MIPEP: variants seen among roughly 807,000 people sequenced by gnomAD.
MIPEP encodes the protein mitochondrial intermediate peptidase.
In MIPEP, 79 loss-of-function variants were observed where a neutral mutation model predicts 90.3. The ratio of observed to expected loss-of-function variants is 0.87; its 90% CI spans 0.73 to 1.05. MIPEP has a LOEUF of 1.05. Ranked by LOEUF, MIPEP falls within the 50% of genes least tolerant of loss-of-function variation. The pLI, the probability that MIPEP is intolerant of heterozygous loss-of-function variation, is 0.00. For synonymous variants in MIPEP, 334 were observed against 315.8 expected (o/e 1.06, Z -0.61); for missense variants, 940 against 905.6 (o/e 1.04, Z -0.49).
intron 7 of MIPEP, among the ~76,000 whole-genome samples, chr13:23,867,408 A>T (rs1870590914): frequency 6.6e-6 from 1 of 152,146 alleles, no homozygotes; most frequent in South Asian, 2.1e-4. Context: ...CACATTCCAC[A>T]TTCTAAGTGA....
At chr13:23,843,929 C>A (rs1869419645) in intron 10 of MIPEP, among the ~76,000 whole-genome samples, 1 of 151,888 alleles carries the variant, frequency 6.6e-6, no homozygotes, top group African/African-American at 2.4e-5. Flanking sequence ...TCAGCCGGCA[C>A]AATGAACACA....
rs780318662 is a variant in MIPEP, at chr13:23,730,372, T to C, written c.2118A>G (p.Glu706=). Residue 706 remains glutamate, a synonymous_variant, in exon 19 of 19, where the codon GAA becomes GAG. Transcript: ENST00000382172. ...TTTATTCAGAATCCATGAGGAAAGTTTCGAAGTCCAGATCCAAGTCGGAAA... is the reference window on the plus strand; with the variant it reads ...TTTATTCAGAATCCATGAGGAAAGTCTCGAAGTCCAGATCCAAGTCGGAAA... The part of the protein sequence containing the change: ...ALVSDLDLDF[E]TFLMDSE The C allele has an allele frequency of 1.9e-6, 3 of 1,611,996 alleles. No individual in the cohort carries two copies.
rs191270050 is a variant in MIPEP at position 23,747,299 on chromosome 13, T to G, written c.2044+9246A>C. On this transcript the variant is annotated intron_variant, in intron 18 of 18. Transcript: ENST00000382172. ...CTTCCTGCATGCTGCTTAAACAGAG[T>G]ACTATCTGAAATCATTTAGGCGGGA... 3.6e-3 allele frequency among the ~76,000 whole-genome samples: 552 copies of G among 152,180 alleles called. 10 individuals carry two copies. The highest frequency in any genetic ancestry group is 4.3e-4 in the Non-Finnish European group (29 of 68,016).
chr13:23,884,226 G>T (rs369702802), intron 2 of MIPEP, among the ~76,000 whole-genome samples: 5 of 149,860 alleles, frequency 3.3e-5, no homozygotes, highest in African/African-American at 7.4e-5. Context: ...GGGGAGGGGG[G>T]GGTGTGACTA....
At chr13:23,759,753 G>A (rs1218636991) in intron 17 of MIPEP, among the ~76,000 whole-genome samples, 1 of 152,178 alleles carries the variant, frequency 6.6e-6, no homozygotes, top group African/African-American at 2.4e-5. Flanking sequence ...CCCGTATCAC[G>A]TGGTGAGGTC....
At chr13:23,785,431 C>A (rs1373277639) in intron 16 of MIPEP, among the ~76,000 whole-genome samples, 2 of 142,054 alleles carry the variant, frequency 1.4e-5, no homozygotes, top group Non-Finnish European at 3.0e-5. Context: ...CAGGTGGGAA[C>A]TGAACAATGA....
intron 14 of MIPEP, among the ~76,000 whole-genome samples, chr13:23,818,908 C>T (rs1003534095): frequency 5.9e-5 from 9 of 152,250 alleles, no homozygotes; most frequent in African/African-American, 1.7e-4. Flanking sequence ...TTCCATAATC[C>T]GTTAAGGTCT....
At chr13:23,857,489 G>C (rs1204397245) in intron 10 of MIPEP, among the ~76,000 whole-genome samples, 2 of 152,192 alleles carry the variant, frequency 1.3e-5, no homozygotes, top group African/African-American at 4.8e-5. Context: ...AGGGCTGCTG[G>C]AACCTAGGAG....
chr13:23,767,005 T>TGTCAGAG (rs1319860369), intron 16 of MIPEP, among the ~76,000 whole-genome samples: 1 of 152,204 alleles, frequency 6.6e-6, no homozygotes, highest in Non-Finnish European at 1.5e-5. Flanking sequence ...GAAAGCCCAC[T>TGTCAGAG]GTCAGAGGTC....
intron 2 of MIPEP, among the ~76,000 whole-genome samples, chr13:23,882,216 C>A (rs891470177): frequency 1.3e-5 from 2 of 152,022 alleles, no homozygotes; most frequent in African/African-American, 2.4e-5. Context: ...ACTACAGGTG[C>A]CCACCACCAC....
intron 17 of MIPEP, 133 bp downstream of exon 17, chr13:23,759,963 G>T: frequency 8.9e-7 from 1 of 1,128,830 alleles, no homozygotes; most frequent in East Asian, 2.4e-5. Context: ...GAGGCTGTGT[G>T]GGGAGCCTGC....
intron 4 of MIPEP, among the ~76,000 whole-genome samples, chr13:23,878,785 T>C (rs779788393): frequency 2.0e-5 from 3 of 152,334 alleles, no homozygotes; most frequent in Admixed American, 6.5e-5. Context: ...ATCCTCCCAG[T>C]AGATAAAATC....
intron 14 of MIPEP, among the ~76,000 whole-genome samples, chr13:23,812,340 G>A (rs991367748): frequency 7.9e-5 from 12 of 152,102 alleles, no homozygotes; most frequent in Admixed American, 7.9e-4. Flanking sequence ...AGCATTTCAG[G>A]CAGAAGAAAC....
rs183761197 is a variant in MIPEP at position 23,802,931 on chromosome 13, T to C, written c.1848+3019A>G. ...ATTTAAGGTAGGCTAGGCTAAGCTA[T>C]GACATTCAGCAGTGTAGGGGTATTA... On this transcript the variant is annotated intron_variant, in intron 16 of 18. Coordinates refer to ENST00000382172, the MANE Select transcript of MIPEP (RefSeq NM_005932.4). Among the ~76,000 whole-genome samples, 10 of 152,338 alleles carry C rather than the reference T, an allele frequency of 6.6e-5. No individual in the cohort carries two copies. In the East Asian group the frequency reaches 1.9e-3, roughly 29 times the overall value.
chr13:23,854,449 C>T (rs1055463495), intron 10 of MIPEP, among the ~76,000 whole-genome samples: 3 of 152,034 alleles, frequency 2.0e-5, no homozygotes, highest in African/African-American at 7.2e-5. Flanking sequence ...AAAAAAAAGT[C>T]CTTCTGTGAG....
At chr13:23,807,791 A>G (rs1953127205) in intron 15 of MIPEP, among the ~76,000 whole-genome samples, 1 of 152,260 alleles carries the variant, frequency 6.6e-6, no homozygotes, top group African/African-American at 2.4e-5. Flanking sequence ...TAAATAAATC[A>G]GAATTCAAGA....
intron 18 of MIPEP, among the ~76,000 whole-genome samples, chr13:23,753,397 T>C (rs927736392): frequency 6.6e-6 from 1 of 152,200 alleles, no homozygotes; most frequent in African/African-American, 2.4e-5. Flanking sequence ...GTGATTGCTT[T>C]CTTTCTCTGG....
At chr13:23,825,359 G>A (rs1004932450) in intron 14 of MIPEP, among the ~76,000 whole-genome samples, 1 of 152,204 alleles carries the variant, frequency 6.6e-6, no homozygotes, top group Non-Finnish European at 1.5e-5. Context: ...GATGACAGGA[G>A]AAGATTTATT....
chr13:23,889,322 CT>C lies in MIPEP; in HGVS notation c.-3del. 1 of 1,343,606 alleles carries C rather than the reference CT, an allele frequency of 7.4e-7. No individual in the cohort carries two copies. The highest frequency in any genetic ancestry group is 9.6e-7 in the Non-Finnish European group (1 of 1,046,560). 83.2% of individuals were successfully genotyped at this position (1,343,606 alleles called of 1,614,324 possible). A position where few individuals can be genotyped will look rare whatever the true frequency, so the allele number is the denominator to read the frequency against. ...GCCCAGCCTTCCGACGCACAGCATT[CT>C]AGCACCAGAGCAGTCCCTTCCTCCA... is the stretch of plus-strand genomic sequence containing the variant. On this transcript the variant is annotated 5_prime_UTR_variant, in exon 1 of 19. Transcript: ENST00000382172.
Sources: allele counts gnomAD v4.1 joint callset (sites outside exome capture counted in the v4.1 genomes callset), GRCh38; gene constraint gnomAD v4.1.1; transcripts MANE v1.5; gene names NCBI Gene and HGNC (gene_info 2026-07-23, HGNC 2026-07-21).